FGG: variants seen among roughly 807,000 people sequenced by gnomAD.
FGG encodes the protein fibrinogen gamma chain, also known as fibrinogen, gamma polypeptide.
Under a neutral mutation model 51.7 loss-of-function variants are expected in FGG, and 20 were observed. That is an observed-to-expected ratio of 0.39 (90% CI 0.27 to 0.56). The LOEUF is 0.56. FGG is among the 20% of genes least tolerant of loss of function. FGG has a pLI of 0.64. For missense variants in FGG, 460 were observed against 534.2 expected (o/e 0.86, Z 1.37); for synonymous variants, 184 against 184.7 (o/e 1.00, Z 0.03).
chr4:154,606,708 G>A lies in FGG; in HGVS notation c.1126C>T (p.Gln376Ter), dbSNP rs1272970617. The A allele has an allele frequency of 6.2e-7, 1 of 1,613,738 alleles. No homozygotes were observed. The highest frequency in any genetic ancestry group is 8.5e-7 in the Non-Finnish European group (1 of 1,179,766). Reference sequence around the variant, plus strand: ...AATCTAAGAAAGGAAAACATACCTTGGTAATAAACTCCATTGAGATGGCCA... The same window carrying A: ...AATCTAAGAAAGGAAAACATACCTTAGTAATAAACTCCATTGAGATGGCCA... ...HAGHLNGVYYQGGTYSKASTP... is the reference protein window; with the variant it reads ...HAGHLNGVYY The change falls in exon 8 of 9, where the codon CAA becomes TAA. Residue 376 changes from glutamine to a stop codon, truncating the protein, a stop_gained. Coordinates refer to ENST00000336098, the MANE Select transcript of FGG (RefSeq NM_021870.3). LOFTEE classifies it high-confidence loss of function.
At chr4:154,606,612 A>G (rs1203940286) in intron 8 of FGG, 93 bp downstream of exon 8, 1 of 1,357,872 alleles carries the variant, frequency 7.4e-7, no homozygotes, top group Non-Finnish European at 1.0e-6. Context: ...TATCTTTATA[A>G]ATTATTCTTC....
chr4:154,608,419 C>G, intron 7 of FGG, 47 bp downstream of exon 7: 1 of 1,573,036 alleles, frequency 6.4e-7, no homozygotes, highest in Non-Finnish European at 8.7e-7. Flanking sequence ...GTGCACATTC[C>G]AGGCAATCTT....
chr4:154,608,835 G>A lies in FGG; in HGVS notation c.667-185C>T, dbSNP rs556430868. Among the ~76,000 whole-genome samples, 112 of 152,144 alleles carry A rather than the reference G, an allele frequency of 7.4e-4. 1 individual carries two copies. The highest frequency in any genetic ancestry group is 1.3e-3 in the Non-Finnish European group (89 of 68,016). On this transcript the variant is annotated intron_variant, in intron 6 of 8. Coordinates refer to ENST00000336098, the MANE Select transcript of FGG (RefSeq NM_021870.3). ...GGAAAAATGATGGTTACTTCTTAGG[G>A]TTGCTGCAAGGATCATGAGAGAGAA... is the stretch of plus-strand genomic sequence containing the variant.
chr4:154,606,182 T>C (rs1375348239), intron 8 of FGG, among the ~76,000 whole-genome samples: 3 of 152,096 alleles, frequency 2.0e-5, no homozygotes, highest in Non-Finnish European at 1.5e-5. Flanking sequence ...AACTATAGCC[T>C]CCTCATCCAA....
intron 6 of FGG, 152 bp from the exon 7 acceptor site, chr4:154,608,802 A>G: frequency 1.5e-6 from 1 of 682,826 alleles, no homozygotes; most frequent in East Asian, 2.7e-5. Context: ...TTCCTCATGT[A>G]TCAAATAGGA....
At position 154,604,303 on chromosome 4, in the gene FGG, G is replaced by C. The variant is rs750100666; in HGVS notation, c.*531C>G. The C allele has an allele frequency of 2.7e-6, 4 of 1,488,042 alleles. No homozygotes were observed. In the African/African-American group the frequency reaches 5.7e-5, roughly 21 times the overall value. The allele number at this position is 1,488,042 out of a possible 1,614,324, so 92.2% of individuals were successfully genotyped here. ...TATTATATCTCTCTGTTCAGATAAA[G>C]TCCTTTAAAAAAGTAAATCTCTTTT... On this transcript the variant is annotated 3_prime_UTR_variant, in exon 9 of 9. Coordinates refer to ENST00000336098, the MANE Select transcript of FGG (RefSeq NM_021870.3).
Position 154,612,445 on chromosome 4 carries a change from A to G in FGG, c.79-10T>C, listed in dbSNP as rs1260883516. On this transcript the variant is annotated splice_polypyrimidine_tract_variant and intron_variant, in intron 1 of 8. Transcript: ENST00000336098. Reference sequence around the variant, plus strand: ...CTCTGGTAGCAACATACTAAAAGAGAAAAAATACAGAAATTTCACTAGTTT... The same window carrying G: ...CTCTGGTAGCAACATACTAAAAGAGGAAAAATACAGAAATTTCACTAGTTT... 26 of 1,613,870 alleles carry G rather than the reference A, an allele frequency of 1.6e-5. No homozygotes were observed. Among genetic ancestry groups the G allele is most frequent in the Non-Finnish European group, 2.0e-5 (24 of 1,179,886 alleles).
chr4:154,604,169 A>G, downstream of FGG: 3 of 478,894 alleles, frequency 6.3e-6, no homozygotes, highest in Non-Finnish European at 1.1e-5. Flanking sequence ...ATTGAAATGC[A>G]TGTAGATAAA....
chr4:154,605,320 C>T (rs1266880475), intron 8 of FGG, among the ~76,000 whole-genome samples: 1 of 152,048 alleles, frequency 6.6e-6, no homozygotes, highest in Non-Finnish European at 1.5e-5. Flanking sequence ...GGCTAGAAAC[C>T]CAAAGTTCCC....
chr4:154,608,679 A>T, intron 6 of FGG, 29 bp from the exon 7 acceptor site: 1 of 1,588,188 alleles, frequency 6.3e-7, no homozygotes, highest in East Asian at 2.2e-5. Context: ...GAGCAAAAGG[A>T]GAAAATAGAC....
At chr4:154,611,373 A>G (rs1696243875) in intron 4 of FGG, 1 of 165,844 alleles carries the variant, frequency 6.0e-6, no homozygotes, top group Admixed American at 6.0e-5. Context: ...CCTGCTCCAC[A>G]TTCAATATAA....
Position 154,606,956 on chromosome 4 carries a change from A to G in FGG, c.878T>C (p.Val293Ala). 1.9e-6 allele frequency: 3 copies of G among 1,610,634 alleles called. No individual in the cohort carries two copies. The highest frequency in any genetic ancestry group is 1.7e-6 in the Non-Finnish European group (2 of 1,178,088). The change falls in exon 8 of 9, where the codon GTG becomes GCG. Residue 293 changes from valine to alanine, a missense_variant. This residue lies in a region of FGG where 353 missense variants were observed against 391.7 expected (regional missense o/e 0.90). Coordinates refer to ENST00000336098, the MANE Select transcript of FGG (RefSeq NM_021870.3). Reference sequence around the variant, plus strand: ...GCGGTACTTGTCAGCTTCAGGTCCCACCTTGAACATGGCATAGTCTGCAGT... The same window carrying G: ...GCGGTACTTGTCAGCTTCAGGTCCCGCCTTGAACATGGCATAGTCTGCAGT... ...TSTADYAMFK[V>A]GPEADKYRLT...
In FGG at chr4:154,604,373, A is replaced by G; in HGVS notation, c.*461T>C. 2 of 1,493,292 alleles carry G rather than the reference A, an allele frequency of 1.3e-6. No homozygotes were observed. The highest frequency in any genetic ancestry group is 1.8e-6 in the Non-Finnish European group (2 of 1,124,312). 92.5% of individuals were successfully genotyped at this position (1,493,292 alleles called of 1,614,324 possible). A position where few individuals can be genotyped will look rare whatever the true frequency, so the allele number is the denominator to read the frequency against. On this transcript the variant is annotated 3_prime_UTR_variant, in exon 9 of 9. Coordinates refer to ENST00000336098, the MANE Select transcript of FGG (RefSeq NM_021870.3). ...CTCCAGCCTGTGAATATATAACAAAACAAAAACCATATTAAAAAGACATAA... is the reference window on the plus strand; with the variant it reads ...CTCCAGCCTGTGAATATATAACAAAGCAAAAACCATATTAAAAAGACATAA...
In FGG at chr4:154,610,491, C is replaced by T. The variant is rs571267310; in HGVS notation, c.402-294G>A. Among the ~76,000 whole-genome samples, 4 of 152,262 alleles carry T rather than the reference C, an allele frequency of 2.6e-5. No individual in the cohort carries two copies. In the South Asian group the frequency reaches 8.3e-4, roughly 32 times the overall value. ...GGGCATATTGTCTCAACTCCCAACA[C>T]AAATAACAAAGTCCTTGTCAATAAG... is the stretch of plus-strand genomic sequence containing the variant. On this transcript the variant is annotated intron_variant, in intron 4 of 8. Transcript: ENST00000336098.
chr4:154,608,760 C>T, intron 6 of FGG, 110 bp from the exon 7 acceptor site: 1 of 1,011,880 alleles, frequency 9.9e-7, no homozygotes, highest in Non-Finnish European at 1.5e-6. Context: ...TATCAACTCC[C>T]AACTAAGTGA....
chr4:154,609,739 C>A lies in FGG; in HGVS notation c.557G>T (p.Gly186Val). The change falls in exon 6 of 9, where the codon GGA (glycine) becomes GTA (valine). Residue 186 changes from glycine (G) to valine (V), a missense_variant. By Grantham distance (109) the Gly-to-Val change is moderately radical (BLOSUM62 -3). Around this residue, in one of 3 missense-constraint regions of FGG, gnomAD observed 353 missense variants for 391.7 expected, o/e 0.90. Coordinates refer to ENST00000336098, the MANE Select transcript of FGG (RefSeq NM_021870.3). Reference protein sequence around the residue: ...GKDCQDIANKGAKQSGLYFIK... With the variant: ...GKDCQDIANKVAKQSGLYFIK... ...AAAGTAAAGCCCGCTCTGTTTAGCT[C>A]CCTTATTGGCAATGTCTTGACAATC... 1.2e-6 allele frequency: 2 copies of A among 1,613,978 alleles called. No individual in the cohort carries two copies. Among genetic ancestry groups the A allele is most frequent in the Non-Finnish European group, 1.7e-6 (2 of 1,179,930 alleles).
At chr4:154,605,344 T>C (rs1731078861) in intron 8 of FGG, among the ~76,000 whole-genome samples, 1 of 152,154 alleles carries the variant, frequency 6.6e-6, no homozygotes, top group Non-Finnish European at 1.5e-5. Flanking sequence ...TTGGCCTCTG[T>C]CCCTAAGCTT....
In FGG at chr4:154,612,596, A is replaced by C. The variant is rs984949115; in HGVS notation, c.14T>G (p.Leu5Trp). 6.8e-6 allele frequency: 11 copies of C among 1,613,826 alleles called. No homozygotes were observed. Among genetic ancestry groups the C allele is most frequent in the African/African-American group, 1.3e-5 (1 of 75,044 alleles). The change falls in exon 1 of 9, where the codon TTG becomes TGG. Residue 5 changes from leucine to tryptophan, a missense_variant. Leu to Trp is a moderately conservative substitution (Grantham distance 61). Transcript: ENST00000336098. MSWS[L>W]HPRNLILYFY... ...GTAGAGAATTAAATTCCGGGGGTGC[A>C]AGGACCAACTCATGATGTCTGAGTG...
intron 6 of FGG, 132 bp downstream of exon 6, chr4:154,609,498 G>A (rs1578810781): frequency 9.0e-7 from 1 of 1,106,998 alleles, no homozygotes; most frequent in South Asian, 1.3e-5. Flanking sequence ...AGGAGTAACA[G>A]AAGTACCTTC....
Sources: allele counts gnomAD v4.1 joint callset (sites outside exome capture counted in the v4.1 genomes callset), GRCh38; gene constraint gnomAD v4.1.1; regional missense constraint gnomAD v4.1.1; transcripts MANE v1.5; gene names NCBI Gene and HGNC (gene_info 2026-07-23, HGNC 2026-07-21).